The following MITF variants were observed in gnomAD, a reference collection of about 807,000 sequenced individuals.
MITF encodes microphthalmia-associated transcription factor.
MITF carries 17 observed loss-of-function variants against 60.5 expected under a neutral mutation model. The observed-to-expected ratio is 0.28, with a 90% CI of 0.19 to 0.42. The LOEUF (loss-of-function observed/expected upper bound fraction) is 0.42. Ranked by LOEUF, MITF falls within the 10% of genes least tolerant of loss-of-function variation. The pLI, the probability that MITF is intolerant of heterozygous loss-of-function variation, is 1.00. For synonymous variants in MITF, 260 were observed against 248.5 expected, an observed-to-expected ratio of 1.05 and a Z score of -0.43; for missense variants, 622 against 683.5, an observed-to-expected ratio of 0.91 and a Z score of 1.00.
chr3:69,930,382 G>A (rs2065692189), intron 2 of MITF, among the ~76,000 whole-genome samples: 1 of 152,170 alleles, frequency 6.6e-6, no homozygotes, highest in African/African-American at 2.4e-5. Flanking sequence ...GTGGTAAATC[G>A]AAAGCCAAGT....
At chr3:69,832,816 G>A (rs953755187) in intron 1 of MITF, among the ~76,000 whole-genome samples, 1 of 152,160 alleles carries the variant, frequency 6.6e-6, no homozygotes, top group African/African-American at 2.4e-5. Context: ...TGGTTACACT[G>A]TATGTAATTG....
chr3:69,920,752 C>T (rs925373731), intron 2 of MITF, among the ~76,000 whole-genome samples: 4 of 152,144 alleles, frequency 2.6e-5, no homozygotes, highest in Non-Finnish European at 4.4e-5. Flanking sequence ...TACCGGTCTC[C>T]GCGCATTTGT....
rs530539095 is a variant in MITF at position 69,879,490 on chromosome 3, A to G, written c.354+107A>G. The G allele has an allele frequency of 1.1e-4, 173 of 1,551,176 alleles. No individual in the cohort carries two copies. The African/African-American group carries it at 2.2e-3, about 20-fold the overall frequency. On this transcript the variant is annotated intron_variant, in intron 2 of 9. Transcript: ENST00000352241. ...TATTTTGTTAGACTGACCCTTCAGAATTATATTTGAAAACTCCAACTCCCT... is the reference window on the plus strand; with the variant it reads ...TATTTTGTTAGACTGACCCTTCAGAGTTATATTTGAAAACTCCAACTCCCT...
intron 2 of MITF, among the ~76,000 whole-genome samples, chr3:69,916,351 A>C (rs890275458): frequency 2.6e-5 from 4 of 152,158 alleles, no homozygotes; most frequent in African/African-American, 7.2e-5. Context: ...TCACATCTAA[A>C]GCTTTGGCAT....
chr3:69,938,858 G>A, intron 3 of MITF: 3 of 1,428,860 alleles, frequency 2.1e-6, no homozygotes, highest in Non-Finnish European at 2.7e-6. Flanking sequence ...TTTCTAGAGG[G>A]ACTAAAATCT....
chr3:69,889,396 T>G (rs576823775), intron 2 of MITF, among the ~76,000 whole-genome samples: 1 of 151,598 alleles, frequency 6.6e-6, no homozygotes, highest in African/African-American at 2.4e-5. Flanking sequence ...TTGCGAGAGT[T>G]AAATGAGATA....
Position 69,965,307 on chromosome 3 carries a change from A to G in MITF, c.*59A>G. 3 of 1,579,822 alleles carry G rather than the reference A, an allele frequency of 1.9e-6. No individual in the cohort carries two copies. The highest frequency in any genetic ancestry group is 2.3e-5 in the South Asian group (2 of 88,682). ...CTTCCTTTCTTGATTCGTAGATTTA[A>G]TAACTTACCTGAAGGGGTTTTCTTG... On this transcript the variant is annotated 3_prime_UTR_variant, in exon 10 of 10. Coordinates refer to ENST00000352241, the MANE Select transcript of MITF (RefSeq NM_001354604.2).
Position 69,746,051 on chromosome 3 carries a change from C to T in MITF, c.104+6350C>T, listed in dbSNP as rs898772647. Among the ~76,000 whole-genome samples, 4 of 152,098 alleles carry T rather than the reference C, an allele frequency of 2.6e-5. No homozygotes were observed. In the East Asian group the frequency reaches 5.8e-4, roughly 22 times the overall value. On this transcript the variant is annotated intron_variant, in intron 1 of 9. Transcript: ENST00000352241. Reference sequence around the variant, plus strand: ...AACAAAGTAGACAAGATTGAGGTGCCTCAACCTGCAGATGTTCAAATCGTA... The same window carrying T: ...AACAAAGTAGACAAGATTGAGGTGCTTCAACCTGCAGATGTTCAAATCGTA...
At chr3:69,919,287 T>C (rs2065408735) in intron 2 of MITF, among the ~76,000 whole-genome samples, 1 of 152,214 alleles carries the variant, frequency 6.6e-6, no homozygotes, top group African/African-American at 2.4e-5. Flanking sequence ...CTGCACTTAT[T>C]TGTCATGGGT....
intron 9 of MITF, among the ~76,000 whole-genome samples, chr3:69,961,903 C>T (rs902985239): frequency 1.3e-5 from 2 of 152,110 alleles, no homozygotes; most frequent in Non-Finnish European, 2.9e-5. Context: ...TCCATGGTGA[C>T]GATATCTTGG....
In MITF at chr3:69,794,509, T is replaced by A. The variant is rs150321715; in HGVS notation, c.104+54808T>A. On this transcript the variant is annotated intron_variant, in intron 1 of 9. Coordinates refer to ENST00000352241, the MANE Select transcript of MITF (RefSeq NM_001354604.2). ...GTGCATCTCCCTTCTTGTGCCTTAA[T>A]GGCAAGGTAAGATGCTGGAGAACCA... 4.7e-3 allele frequency among the ~76,000 whole-genome samples: 713 copies of A among 152,308 alleles called. 8 individuals are homozygous for A. Among genetic ancestry groups the A allele is most frequent in the African/African-American group, 0.016 (655 of 41,556 alleles).
chr3:69,803,269 AT>A (rs2062951602), intron 1 of MITF, among the ~76,000 whole-genome samples: 1 of 152,204 alleles, frequency 6.6e-6, no homozygotes, highest in Non-Finnish European at 1.5e-5. Flanking sequence ...TTCAAAATAC[AT>A]TTGTACACTG....
chr3:69,742,894 T>A (rs1321335733), intron 1 of MITF, among the ~76,000 whole-genome samples: 1 of 152,252 alleles, frequency 6.6e-6, no homozygotes, highest in African/African-American at 2.4e-5. Flanking sequence ...GTCTTCTTTG[T>A]CCAGCTATAT....
chr3:69,816,696 C>T (rs2063187267), intron 1 of MITF, among the ~76,000 whole-genome samples: 1 of 152,130 alleles, frequency 6.6e-6, no homozygotes, highest in South Asian at 2.1e-4. Flanking sequence ...GTAAAATGGG[C>T]ATGGTAGTAC....
chr3:69,836,899 G>C, intron 1 of MITF, among the ~76,000 whole-genome samples: 1 of 152,320 alleles, frequency 6.6e-6, no homozygotes, highest in Admixed American at 6.5e-5. Context: ...ACCAGAGGCT[G>C]ACTGGCCAGG....
intron 1 of MITF, among the ~76,000 whole-genome samples, chr3:69,834,145 T>C (rs1042191503): frequency 6.6e-6 from 1 of 152,256 alleles, no homozygotes; most frequent in East Asian, 1.9e-4. Context: ...CTCATGCATA[T>C]GTGTTTTCTT....
At chr3:69,784,203 A>G (rs1465535556) in intron 1 of MITF, among the ~76,000 whole-genome samples, 1 of 151,984 alleles carries the variant, frequency 6.6e-6, no homozygotes, top group East Asian at 1.9e-4. Flanking sequence ...TTAAATACCC[A>G]CTATTTTCCA....
At chr3:69,924,564 C>A (rs962056722) in intron 2 of MITF, among the ~76,000 whole-genome samples, 2 of 152,164 alleles carry the variant, frequency 1.3e-5, no homozygotes, top group African/African-American at 4.8e-5. Flanking sequence ...AGAATGAACC[C>A]TTCGCGTAAC....
At chr3:69,914,862 T>C (rs1203230222) in intron 2 of MITF, among the ~76,000 whole-genome samples, 1 of 152,198 alleles carries the variant, frequency 6.6e-6, no homozygotes, top group Non-Finnish European at 1.5e-5. Flanking sequence ...TCTACAGATA[T>C]ATTCCAGAGG....
Sources: allele counts gnomAD v4.1 joint callset (sites outside exome capture counted in the v4.1 genomes callset), GRCh38; gene constraint gnomAD v4.1.1; transcripts MANE v1.5; gene names NCBI Gene and HGNC (gene_info 2026-07-23, HGNC 2026-07-21).